The following IL1RAPL2 variants were observed in gnomAD, a reference collection of about 807,000 sequenced individuals.
IL1RAPL2 encodes the protein interleukin 1 receptor accessory protein like 2, also known as X-linked interleukin-1 receptor accessory protein-like 2.
A neutral mutation model predicts 44.1 loss-of-function variants in IL1RAPL2; 3 were observed. The observed-to-expected ratio is 0.07, with a 90% CI of 0.03 to 0.18. IL1RAPL2 has a LOEUF of 0.18. IL1RAPL2 is among the 10% of genes least tolerant of loss of function. IL1RAPL2 has a pLI of 1.00. For synonymous variants in IL1RAPL2, 181 were observed against 178.8 expected (o/e 1.01, Z -0.10); for missense variants, 391 against 496.4 (o/e 0.79, Z 2.02).
At chrX:104,713,833 A>T (rs931361813) in intron 2 of IL1RAPL2, among the ~76,000 whole-genome samples, 1 of 110,506 alleles carries the variant, frequency 9.0e-6, no homozygotes, top group Admixed American at 9.7e-5. Context: ...GAAATGACAT[A>T]TGTTCACTTC....
chrX:104,960,834 C>T (rs1380320536), intron 2 of IL1RAPL2, among the ~76,000 whole-genome samples: 4 of 111,451 alleles, frequency 3.6e-5, no homozygotes, highest in African/African-American at 6.5e-5. Context: ...TGCCACTTTG[C>T]GTTGCATTCC....
chrX:104,723,929 T>C (rs1318093676), intron 2 of IL1RAPL2, among the ~76,000 whole-genome samples: 3 of 111,130 alleles, frequency 2.7e-5, no homozygotes, highest in Non-Finnish European at 5.7e-5. Context: ...AATAAAATGT[T>C]ACCAACATGT....
At chrX:105,567,871 T>C (rs936670775) in intron 6 of IL1RAPL2, among the ~76,000 whole-genome samples, 4 of 111,078 alleles carry the variant, frequency 3.6e-5, no homozygotes, top group Admixed American at 2.9e-4. Context: ...ATCTAGGGAT[T>C]TGCAGAGAGT....
At chrX:105,443,651 T>G (rs933072938) in intron 5 of IL1RAPL2, among the ~76,000 whole-genome samples, 2 of 112,342 alleles carry the variant, frequency 1.8e-5, no homozygotes, top group Non-Finnish European at 3.8e-5. Context: ...TGATCTCAAA[T>G]TCCATCCATG....
intron 5 of IL1RAPL2, among the ~76,000 whole-genome samples, chrX:105,293,194 G>A (rs985913979): frequency 1.8e-5 from 2 of 108,693 alleles, no homozygotes; most frequent in African/African-American, 3.4e-5. Flanking sequence ...TTTAAAAAGT[G>A]TACATTTGGT....
At chrX:105,542,196 T>C (rs769559559) in intron 6 of IL1RAPL2, among the ~76,000 whole-genome samples, 17 of 112,300 alleles carry the variant, frequency 1.5e-4, no homozygotes, top group Non-Finnish European at 2.6e-4. Context: ...ATTTCCGTAA[T>C]ATTGTATCTG....
rs574269900 is a variant in IL1RAPL2, at chrX:105,243,739, G to T, written c.543+9735G>T. 1.0e-4 allele frequency among the ~76,000 whole-genome samples: 11 copies of T among 109,187 alleles called. No individual in the cohort carries two copies. The South Asian group carries it at 4.3e-3, about 43-fold the overall frequency. 94.8% of individuals were successfully genotyped at this position (109,187 alleles called of 115,157 possible). A position where few individuals can be genotyped will look rare whatever the true frequency, so the allele number is the denominator to read the frequency against. On this transcript the variant is annotated intron_variant, in intron 4 of 10. Transcript: ENST00000372582. ...TACTGAGTTCAGGGTAATGGGTGGA[G>T]CCCACTAAAGAATAGGGCCAACAAA...
chrX:105,226,588 A>G (rs1229102187), intron 3 of IL1RAPL2, among the ~76,000 whole-genome samples: 1 of 107,221 alleles, frequency 9.3e-6, no homozygotes, highest in Non-Finnish European at 1.9e-5. Context: ...TTTTTAGTAG[A>G]GACAGAGTTT....
intron 6 of IL1RAPL2, among the ~76,000 whole-genome samples, chrX:105,498,521 T>A (rs2147781336): frequency 9.0e-6 from 1 of 111,223 alleles, no homozygotes; most frequent in Admixed American, 9.6e-5. Context: ...TGACATATTT[T>A]TTTGCAGTAG....
At chrX:104,592,035 G>A (rs780474304) in intron 1 of IL1RAPL2, among the ~76,000 whole-genome samples, 1 of 108,737 alleles carries the variant, frequency 9.2e-6, no homozygotes, top group Non-Finnish European at 1.9e-5. Context: ...ATTATTTTAG[G>A]TATTTGTTTG....
chrX:104,785,933 T>G (rs1932795812), intron 2 of IL1RAPL2, among the ~76,000 whole-genome samples: 1 of 112,118 alleles, frequency 8.9e-6, no homozygotes, highest in African/African-American at 3.2e-5. Context: ...GCTTAGCTCC[T>G]CATCAGAATG....
At chrX:105,496,470 AT>A (rs2036357448) in intron 6 of IL1RAPL2, among the ~76,000 whole-genome samples, 1 of 112,845 alleles carries the variant, frequency 8.9e-6, no homozygotes, top group Admixed American at 9.4e-5. Flanking sequence ...ACATAAGATA[AT>A]TAAGGAAAGT....
chrX:104,632,864 C>A (rs1479308726), intron 1 of IL1RAPL2, among the ~76,000 whole-genome samples: 1 of 110,629 alleles, frequency 9.0e-6, no homozygotes, highest in South Asian at 3.9e-4. Context: ...CTGGCCAGAA[C>A]TTCCAACACT....
chrX:104,890,462 G>T (rs1346118356), intron 2 of IL1RAPL2, among the ~76,000 whole-genome samples: 3 of 111,948 alleles, frequency 2.7e-5, no homozygotes, highest in East Asian at 2.8e-4. Context: ...AGCACCTGTT[G>T]TTTCCTGACT....
At chrX:104,764,750 G>A (rs780137452) in intron 2 of IL1RAPL2, among the ~76,000 whole-genome samples, 1 of 111,384 alleles carries the variant, frequency 9.0e-6, no homozygotes. Context: ...TTTTTTTGGG[G>A]GTTTTTATCA....
intron 4 of IL1RAPL2, among the ~76,000 whole-genome samples, chrX:105,264,675 G>A (rs1333130552): frequency 1.8e-5 from 2 of 112,087 alleles, no homozygotes; most frequent in Non-Finnish European, 3.8e-5. Flanking sequence ...CAACAAGAAT[G>A]TAATGAATAA....
chrX:104,941,192 A>G (rs780763561), intron 2 of IL1RAPL2, among the ~76,000 whole-genome samples: 57 of 110,799 alleles, frequency 5.1e-4, no homozygotes, highest in Admixed American at 2.0e-3. Flanking sequence ...TAGCAGCATG[A>G]TTTATAATCC....
chrX:105,413,470 G>T (rs2035711643), intron 5 of IL1RAPL2, among the ~76,000 whole-genome samples: 1 of 111,406 alleles, frequency 9.0e-6, no homozygotes. Context: ...AGCTCTACTG[G>T]CTTTGAAGAT....
intron 2 of IL1RAPL2, among the ~76,000 whole-genome samples, chrX:104,981,217 A>G: frequency 9.1e-6 from 1 of 109,817 alleles, no homozygotes; most frequent in Non-Finnish European, 1.9e-5. Flanking sequence ...CAGTGTACAG[A>G]TAATTTTGTG....
Sources: allele counts gnomAD v4.1 joint callset (sites outside exome capture counted in the v4.1 genomes callset), GRCh38; gene constraint gnomAD v4.1.1; transcripts MANE v1.5; gene names NCBI Gene and HGNC (gene_info 2026-07-23, HGNC 2026-07-21).